Variants in BMX observed in about 807,000 individuals in gnomAD.
The protein encoded by BMX is BMX non-receptor tyrosine kinase, also known as cytoplasmic tyrosine-protein kinase BMX.
A neutral mutation model predicts 59.2 loss-of-function variants in BMX; 31 were observed. The ratio of observed to expected loss-of-function variants is 0.52; its 90% CI spans 0.39 to 0.71. The LOEUF is 0.71. BMX is among the 30% of genes least tolerant of loss of function. The pLI, the probability that BMX is intolerant of heterozygous loss-of-function variation, is 0.00. For synonymous variants in BMX, 185 were observed against 181.0 expected (o/e 1.02, Z -0.18); for missense variants, 474 against 491.7 (o/e 0.96, Z 0.34).
intron 6 of BMX, 106 bp from the exon 7 acceptor site, chrX:15,522,240 C>G (rs1924492860): frequency 2.0e-6 from 2 of 984,520 alleles, no homozygotes; most frequent in African/African-American, 2.0e-5. Flanking sequence ...CCTCCCTTCT[C>G]TCCTTCCTTT....
chrX:15,549,999 C>A lies in BMX; in HGVS notation c.1953+2C>A. The A allele has an allele frequency of 8.4e-7, 1 of 1,196,245 alleles. No individual in the cohort carries two copies. Among genetic ancestry groups the A allele is most frequent in the Non-Finnish European group, 1.1e-6 (1 of 885,300 alleles). On this transcript the variant is annotated splice_donor_variant, in intron 18 of 18. Transcript: ENST00000348343. LOFTEE classifies it high-confidence loss of function. ...ATCATGTACAGCTGCTGGCACGAGG[C>A]AAGTGTATTCTCTGGGTGGGCTGGA...
At chrX:15,525,075 T>G (rs1924647282) in intron 7 of BMX, among the ~76,000 whole-genome samples, 1 of 112,308 alleles carries the variant, frequency 8.9e-6, no homozygotes, top group South Asian at 3.6e-4. Flanking sequence ...TTTCTTTTGT[T>G]TAGAAGTGTT....
At chrX:15,518,253 A>T (rs1924260169) in intron 6 of BMX, among the ~76,000 whole-genome samples, 1 of 110,848 alleles carries the variant, frequency 9.0e-6, no homozygotes, top group African/African-American at 3.3e-5. Flanking sequence ...CCAAAAAAAA[A>T]AAAAGAAAAA....
chrX:15,540,431 G>A (rs962288682), intron 14 of BMX, among the ~76,000 whole-genome samples: 2 of 108,816 alleles, frequency 1.8e-5, no homozygotes, highest in Admixed American at 2.0e-4. Context: ...GGGCTTGTTG[G>A]GGGGTGGGGG....
At chrX:15,529,459 C>G (rs944788484) in intron 9 of BMX, among the ~76,000 whole-genome samples, 93 of 112,489 alleles carry the variant, frequency 8.3e-4, no homozygotes, top group African/African-American at 2.9e-3. Context: ...GACATTCTGT[C>G]TAAAGCCCAA....
chrX:15,548,435 C>T lies in BMX; in HGVS notation c.1796-1405C>T, dbSNP rs757380609. Among the ~76,000 whole-genome samples the T allele has an allele frequency of 1.6e-3, 178 of 110,174 alleles. 1 individual carries two copies. Among genetic ancestry groups the T allele is most frequent in the African/African-American group, 5.7e-3 (171 of 30,115 alleles). On this transcript the variant is annotated intron_variant, in intron 17 of 18. Coordinates refer to ENST00000348343, the MANE Select transcript of BMX (RefSeq NM_203281.3). ...TTGTGCCACTGCACTCCAGCCTTGGCGACACAGCAAGAGGCTGTCTTAAAA... is the reference window on the plus strand; with the variant it reads ...TTGTGCCACTGCACTCCAGCCTTGGTGACACAGCAAGAGGCTGTCTTAAAA...
intron 1 of BMX, 132 bp from the exon 2 acceptor site, chrX:15,508,213 C>A: frequency 2.7e-6 from 1 of 376,776 alleles, no homozygotes; most frequent in Non-Finnish European, 4.3e-6. Context: ...TATAATCCTA[C>A]ATCAGTCTCA....
chrX:15,515,171 G>A (rs1487879983), intron 4 of BMX, among the ~76,000 whole-genome samples: 2 of 108,754 alleles, frequency 1.8e-5, no homozygotes, highest in Non-Finnish European at 3.8e-5. Context: ...GGCAAGGGGT[G>A]GGAGAGCATT....
At chrX:15,547,654 C>A (rs1926005992) in intron 17 of BMX, among the ~76,000 whole-genome samples, 1 of 112,057 alleles carries the variant, frequency 8.9e-6, no homozygotes, top group Non-Finnish European at 1.9e-5. Flanking sequence ...GTAGTTGCCA[C>A]AGATACTGCA....
In BMX at chrX:15,526,945, A is replaced by G. The variant is rs1013688431; in HGVS notation, c.884+850A>G. On this transcript the variant is annotated intron_variant, in intron 9 of 18. Transcript: ENST00000348343. ...TAGAAAGAGAAAAAGTGCACTATTA[A>G]AAATTATACCCGTTAATAATAACTT... 6.4e-5 allele frequency among the ~76,000 whole-genome samples: 7 copies of G among 110,013 alleles called. No homozygotes were observed. In the South Asian group the frequency reaches 2.7e-3, roughly 42 times the overall value.
chrX:15,535,166 C>T (rs1356167816), intron 12 of BMX, among the ~76,000 whole-genome samples: 2 of 112,246 alleles, frequency 1.8e-5, no homozygotes, highest in Non-Finnish European at 3.8e-5. Context: ...CTTTCATCCT[C>T]ACCAACACTG....
At chrX:15,522,625 G>C (rs776154645) in intron 7 of BMX, 38 bp downstream of exon 7, 2 of 1,201,384 alleles carry the variant, frequency 1.7e-6, no homozygotes, top group African/African-American at 3.5e-5. Context: ...CCAGCATGTA[G>C]AGTAAACACT....
intron 12 of BMX, among the ~76,000 whole-genome samples, chrX:15,534,622 A>T (rs1047535632): frequency 5.4e-5 from 6 of 111,343 alleles, no homozygotes; most frequent in Admixed American, 9.6e-5. Context: ...GTATAGAAGC[A>T]AGAGGATTAT....
intron 9 of BMX, 45 bp from the exon 10 acceptor site, chrX:15,529,928 T>C (rs748823384): frequency 5.9e-5 from 67 of 1,130,851 alleles, no homozygotes; most frequent in Non-Finnish European, 4.9e-5. Flanking sequence ...AGCTATACAA[T>C]CTAAAACTTA....
intron 15 of BMX, 141 bp from the exon 16 acceptor site, chrX:15,542,930 G>C (rs970067816): frequency 2.0e-6 from 1 of 512,068 alleles, no homozygotes; most frequent in African/African-American, 2.4e-5. Context: ...AATTGCAAAG[G>C]AAAAAAAAGA....
At chrX:15,539,208 T>A (rs1348991723) in intron 14 of BMX, among the ~76,000 whole-genome samples, 1 of 110,851 alleles carries the variant, frequency 9.0e-6, no homozygotes, top group Non-Finnish European at 1.9e-5. Context: ...AACCTCTGTG[T>A]CTTGGTGTAA....
intron 4 of BMX, among the ~76,000 whole-genome samples, chrX:15,512,351 G>GATTTTATTTTACTTT (rs1555967007): frequency 9.5e-6 from 1 of 105,351 alleles, no homozygotes; most frequent in African/African-American, 4.0e-5. Context: ...GATGGAGGAA[G>GATTTTATTTTACTTT]ATTTTATTTT....
intron 11 of BMX, among the ~76,000 whole-genome samples, chrX:15,532,137 A>C (rs776602407): frequency 9.0e-6 from 1 of 111,277 alleles, no homozygotes; most frequent in African/African-American, 3.3e-5. Context: ...GTAAGCACTT[A>C]ATAAACTAAT....
intron 1 of BMX, among the ~76,000 whole-genome samples, chrX:15,505,239 A>G (rs962381544): frequency 9.8e-5 from 11 of 112,458 alleles, no homozygotes; most frequent in African/African-American, 3.6e-4. Context: ...AGAAGGAGAA[A>G]GGCAAGCCCA....
Sources: allele counts gnomAD v4.1 joint callset (sites outside exome capture counted in the v4.1 genomes callset), GRCh38; gene constraint gnomAD v4.1.1; transcripts MANE v1.5; gene names NCBI Gene and HGNC (gene_info 2026-07-23, HGNC 2026-07-21).